The following DNAJC6 variants were observed in gnomAD, a reference collection of about 807,000 sequenced individuals.
DNAJC6 encodes auxilin.
DNAJC6 carries 34 observed loss-of-function variants against 110.0 expected under a neutral mutation model. The ratio of observed to expected loss-of-function variants is 0.31; its 90% confidence interval spans 0.24 to 0.41. The LOEUF (loss-of-function observed/expected upper bound fraction) is 0.41. Ranked by LOEUF, DNAJC6 falls within the 10% of genes least tolerant of loss-of-function variation. The pLI, the probability that DNAJC6 is intolerant of heterozygous loss-of-function variation, is 1.00. For missense variants in DNAJC6, 1,031 were observed against 1,207.8 expected, an observed-to-expected ratio of 0.85 and a Z score of 2.17; for synonymous variants, 406 against 437.2, an observed-to-expected ratio of 0.93 and a Z score of 0.89.
intron 4 of DNAJC6, among the ~76,000 whole-genome samples, chr1:65,367,586 A>G (rs894737199): frequency 1.3e-5 from 2 of 152,202 alleles, no homozygotes; most frequent in Non-Finnish European, 2.9e-5. Flanking sequence ...ACAATATTTC[A>G]TAGAAATTTT....
intron 1 of DNAJC6, among the ~76,000 whole-genome samples, chr1:65,334,779 A>G (rs1645319792): frequency 1.3e-5 from 2 of 151,738 alleles, no homozygotes; most frequent in South Asian, 4.2e-4. Flanking sequence ...AAACAAGGTG[A>G]CTCTCAGATT....
intron 1 of DNAJC6, among the ~76,000 whole-genome samples, chr1:65,304,410 G>A (rs966307227): frequency 6.6e-6 from 1 of 152,180 alleles, no homozygotes; most frequent in African/African-American, 2.4e-5. Flanking sequence ...GCTCTTGACA[G>A]CTGCTACTAT....
At chr1:65,270,204 G>A (rs139043827) in intron 1 of DNAJC6, among the ~76,000 whole-genome samples, 11 of 152,124 alleles carry the variant, frequency 7.2e-5, no homozygotes, top group South Asian at 4.2e-4. Context: ...TAATATAGTC[G>A]TCTGAGCATT....
At chr1:65,353,877 A>G (rs1290423422) in intron 1 of DNAJC6, among the ~76,000 whole-genome samples, 1 of 152,204 alleles carries the variant, frequency 6.6e-6, no homozygotes, top group African/African-American at 2.4e-5. Context: ...TTGAGGAGAC[A>G]GTGAAACAGT....
Position 65,392,857 on chromosome 1 carries a change from T to C in DNAJC6, c.1895T>C (p.Val632Ala), listed in dbSNP as rs777882438. Reference sequence around the variant, plus strand: ...ACCTCTGCGTCTCCAACCCTAAGAGTGGGAGAAGGTAATTTTTTCTATGTT... The same window carrying C: ...ACCTCTGCGTCTCCAACCCTAAGAGCGGGAGAAGGTAATTTTTTCTATGTT... ...TSTSASPTLR[V>A]GEGATFDPFG... The change falls in exon 12 of 19, where the codon GTG becomes GCG. Residue 632 changes from valine (V) to alanine (A), a missense_variant. Physicochemically the swap from Val to Ala is moderately conservative, Grantham distance 64 (BLOSUM62 0). Transcript: ENST00000371069. The C allele has an allele frequency of 1.3e-6, 2 of 1,511,790 alleles. No homozygotes were observed. Among genetic ancestry groups the C allele is most frequent in the African/African-American group, 2.8e-5 (2 of 71,456 alleles). The allele number at this position is 1,511,790 out of a possible 1,614,324, so 93.6% of individuals were successfully genotyped here. A position where few individuals can be genotyped will look rare whatever the true frequency, so the allele number is the denominator to read the frequency against.
intron 1 of DNAJC6, among the ~76,000 whole-genome samples, chr1:65,354,693 G>GTGT (rs1645525688): frequency 6.6e-6 from 1 of 152,122 alleles, no homozygotes; most frequent in Admixed American, 6.5e-5. Context: ...AGATTTCATG[G>GTGT]TGTCTGTAAG....
intron 1 of DNAJC6, among the ~76,000 whole-genome samples, chr1:65,357,305 C>T (rs1474114857): frequency 6.6e-6 from 1 of 152,154 alleles, no homozygotes; most frequent in African/African-American, 2.4e-5. Flanking sequence ...TCAGTCGTCT[C>T]TCCAAAAGGC....
At chr1:65,335,191 T>C (rs1645323909) in intron 1 of DNAJC6, among the ~76,000 whole-genome samples, 1 of 150,718 alleles carries the variant, frequency 6.6e-6, no homozygotes, top group Non-Finnish European at 1.5e-5. Flanking sequence ...CACTGCAACC[T>C]CCACCTCGCG....
chr1:65,392,224 A>G (rs1483273339), intron 11 of DNAJC6, among the ~76,000 whole-genome samples: 2 of 152,138 alleles, frequency 1.3e-5, no homozygotes, highest in Non-Finnish European at 2.9e-5. Flanking sequence ...CCTTACCCCT[A>G]TGCTCTACTG....
At chr1:65,406,197 T>C in intron 16 of DNAJC6, 64 bp downstream of exon 16, 7 of 1,547,932 alleles carry the variant, frequency 4.5e-6, no homozygotes, top group Non-Finnish European at 6.1e-6. Flanking sequence ...ACTGCCTGAA[T>C]GTGTCTCTCT....
At chr1:65,401,957 A>G in intron 15 of DNAJC6, 77 bp downstream of exon 15, 4 of 1,579,306 alleles carry the variant, frequency 2.5e-6, no homozygotes, top group Non-Finnish European at 2.6e-6. Flanking sequence ...CTTTGGTGTT[A>G]CAGCAAGCTG....
intron 1 of DNAJC6, among the ~76,000 whole-genome samples, chr1:65,324,933 A>G (rs1212073607): frequency 6.6e-6 from 1 of 152,180 alleles, no homozygotes; most frequent in African/African-American, 2.4e-5. Context: ...ACCCTGATAT[A>G]GGGAATATAT....
At chr1:65,349,124 AT>A (rs1235524378) in intron 1 of DNAJC6, among the ~76,000 whole-genome samples, 7 of 146,244 alleles carry the variant, frequency 4.8e-5, no homozygotes, top group African/African-American at 1.7e-4. Flanking sequence ...AAATATATAT[AT>A]ATAAATATAT....
chr1:65,292,390 T>A (rs1644886951), intron 1 of DNAJC6, among the ~76,000 whole-genome samples: 1 of 151,804 alleles, frequency 6.6e-6, no homozygotes, highest in African/African-American at 2.4e-5. Context: ...GAAAACACGT[T>A]TGTATTAATT....
At chr1:65,408,520 T>G in intron 16 of DNAJC6, 121 bp from the exon 17 acceptor site, 1 of 1,092,716 alleles carries the variant, frequency 9.2e-7, no homozygotes, top group Non-Finnish European at 1.3e-6. Flanking sequence ...TAAGCAAGCA[T>G]GAGGGTTAAG....
chr1:65,351,085 C>G (rs1052952266), intron 1 of DNAJC6, among the ~76,000 whole-genome samples: 11 of 152,140 alleles, frequency 7.2e-5, no homozygotes, highest in African/African-American at 2.4e-4. Flanking sequence ...ATTCCTGCTT[C>G]TTAGTAGTTT....
chr1:65,357,807 T>A (rs1427442536), intron 1 of DNAJC6, among the ~76,000 whole-genome samples: 2 of 152,174 alleles, frequency 1.3e-5, no homozygotes, highest in Non-Finnish European at 2.9e-5. Context: ...TCTCTACAGC[T>A]GTTGAGGAAG....
Position 65,273,136 on chromosome 1 carries a change from T to C in DNAJC6, c.-131+8204T>C, listed in dbSNP as rs954696506. 4.6e-5 allele frequency among the ~76,000 whole-genome samples: 7 copies of C among 152,304 alleles called. No individual in the cohort carries two copies. The South Asian group carries it at 1.5e-3, about 32-fold the overall frequency. On this transcript the variant is annotated intron_variant, in intron 1 of 19. Coordinates refer to the DNAJC6 transcript ENST00000263441. ...ATCTTTTACTGGTTAATTTTTTGTA[T>C]TATACATTTATTTTTCATCTCATGA...
At chr1:65,320,761 C>T (rs1645190825) in intron 1 of DNAJC6, among the ~76,000 whole-genome samples, 1 of 152,026 alleles carries the variant, frequency 6.6e-6, no homozygotes, top group Non-Finnish European at 1.5e-5. Context: ...ATGCTAAATT[C>T]TATGGAGGGC....
Sources: gnomAD v4.1 joint callset for allele counts (sites outside exome capture counted in the v4.1 genomes callset) on GRCh38, gnomAD v4.1.1 for gene constraint, MANE v1.5 for transcripts, NCBI Gene and HGNC (gene_info 2026-07-23, HGNC 2026-07-21) for gene names.